The following ADGRL2 variants were observed in gnomAD, a reference collection of about 807,000 sequenced individuals.
The protein encoded by ADGRL2 is calcium-independent alpha-latrotoxin receptor 2.
Under a neutral mutation model 157.4 loss-of-function variants are expected in ADGRL2, and 44 were observed. The observed-to-expected ratio is 0.28, with a 90% CI of 0.22 to 0.36. The LOEUF is 0.36. Among genes scored for constraint, ADGRL2 ranks in the 10% least tolerant of loss-of-function variants. ADGRL2 has a pLI of 1.00. For missense variants in ADGRL2, 1,510 were observed against 1,768.9 expected, an observed-to-expected ratio of 0.85 and a Z score of 2.63; for synonymous variants, 585 against 624.7, an observed-to-expected ratio of 0.94 and a Z score of 0.95.
chr1:81,895,181 ATGT>A (rs1452101457), intron 2 of ADGRL2, among the ~76,000 whole-genome samples: 7 of 152,104 alleles, frequency 4.6e-5, no homozygotes, highest in Admixed American at 3.9e-4. Flanking sequence ...TGCAGTTTCA[ATGT>A]TGTTAACCCA....
intron 1 of ADGRL2, among the ~76,000 whole-genome samples, chr1:81,702,516 T>G (rs1311038170): frequency 1.3e-5 from 2 of 152,182 alleles, no homozygotes; most frequent in African/African-American, 4.8e-5. Context: ...ATCTTCATGA[T>G]GTACAACACA....
chr1:81,787,092 C>T (rs2087086830), intron 2 of ADGRL2, among the ~76,000 whole-genome samples: 1 of 152,008 alleles, frequency 6.6e-6, no homozygotes. Context: ...TTTTTTCTTG[C>T]CACCACCATG....
rs1341020062 is a variant in ADGRL2 at position 81,754,586 on chromosome 1, TTTC to T, written c.-142-7222_-142-7220del. ...TTCTTTCTTTCCTCCTTTCTCTTTCTTTCTTTTCTTTTCTTTCTCCCTTTCTTT... is the reference window on the plus strand; with the variant it reads ...TTCTTTCTTTCCTCCTTTCTCTTTCTTTTTCTTTTCTTTCTCCCTTTCTTT... On this transcript the variant is annotated intron_variant, in intron 1 of 20. Coordinates refer to the ADGRL2 transcript ENST00000359929. Among the ~76,000 whole-genome samples the T allele has an allele frequency of 9.3e-5, 13 of 139,868 alleles. No homozygotes were observed. The East Asian group carries it at 1.9e-3, about 20-fold the overall frequency. The allele number at this position is 139,868 out of a possible 152,430, so 91.8% of individuals were successfully genotyped here. A position where few individuals can be genotyped will look rare whatever the true frequency, so the allele number is the denominator to read the frequency against.
intron 1 of ADGRL2, among the ~76,000 whole-genome samples, chr1:81,820,826 C>G (rs908979777): frequency 1.3e-5 from 2 of 151,912 alleles, no homozygotes; most frequent in Non-Finnish European, 2.9e-5. Context: ...CCTTGTTTTA[C>G]TTTTATAATC....
chr1:81,969,479 C>T, intron 15 of ADGRL2, 92 bp downstream of exon 15: 1 of 793,468 alleles, frequency 1.3e-6, no homozygotes, highest in Non-Finnish European at 2.0e-6. Flanking sequence ...AATGTTTGAC[C>T]TTGTAACTTG....
chr1:81,937,467 A>G (rs1282070956), intron 4 of ADGRL2, among the ~76,000 whole-genome samples: 1 of 151,926 alleles, frequency 6.6e-6, no homozygotes, highest in Non-Finnish European at 1.5e-5. Flanking sequence ...GTTTATAGGT[A>G]GGCTTCGGCC....
rs538403613 is a variant in ADGRL2, at chr1:81,445,572, G to A, written c.-248+483G>A. On this transcript the variant is annotated intron_variant, in intron 2 of 24. Coordinates refer to the ADGRL2 transcript ENST00000370721. ...GGGCTGAAGGGACTTAGAGAGGACG[G>A]CCTCATATTTCTGTTTCTCTGAATC... 9.2e-5 allele frequency among the ~76,000 whole-genome samples: 14 copies of A among 152,252 alleles called. No homozygotes were observed. The South Asian group carries it at 2.1e-3, about 23-fold the overall frequency.
intron 3 of ADGRL2, among the ~76,000 whole-genome samples, chr1:81,664,843 G>C (rs2082723316): frequency 6.6e-6 from 1 of 151,900 alleles, no homozygotes. Flanking sequence ...TATATATCTG[G>C]GTAGAATTTT....
chr1:81,447,150 A>G lies in ADGRL2; in HGVS notation c.-248+2061A>G, dbSNP rs569912395. Among the ~76,000 whole-genome samples, 50 of 152,196 alleles carry G rather than the reference A, an allele frequency of 3.3e-4. 1 individual carries two copies. Among genetic ancestry groups the G allele is most frequent in the African/African-American group, 1.2e-3 (48 of 41,566 alleles). On this transcript the variant is annotated intron_variant, in intron 2 of 24. Transcript: ENST00000370721. ...GATATTGTGAAGCGCATATATTAAT[A>G]ATAGGTTATTTATTGAAGGAAAAAA...
At chr1:81,652,005 G>A (rs1268691172) in intron 3 of ADGRL2, among the ~76,000 whole-genome samples, 22 of 152,014 alleles carry the variant, frequency 1.4e-4, no homozygotes, top group Admixed American at 1.4e-3. Flanking sequence ...CCACACCACA[G>A]CCCAGCTGAG....
chr1:81,938,908 G>T (rs2095348607), intron 4 of ADGRL2, among the ~76,000 whole-genome samples: 1 of 151,206 alleles, frequency 6.6e-6, no homozygotes, highest in South Asian at 2.1e-4. Context: ...TAAGCCTTTA[G>T]CTTTCACTTT....
At chr1:81,448,726 GTTA>G (rs1187870681) in intron 2 of ADGRL2, among the ~76,000 whole-genome samples, 1 of 151,630 alleles carries the variant, frequency 6.6e-6, no homozygotes, top group Non-Finnish European at 1.5e-5. Context: ...CAATGAAAGG[GTTA>G]TTTTAAATTG....
intron 1 of ADGRL2, among the ~76,000 whole-genome samples, chr1:81,834,485 T>C (rs1289163160): frequency 1.3e-5 from 2 of 152,156 alleles, no homozygotes; most frequent in African/African-American, 4.8e-5. Flanking sequence ...TTTGATTATT[T>C]ATTCGTTCTA....
chr1:81,664,680 A>G (rs1208597444), intron 3 of ADGRL2, among the ~76,000 whole-genome samples: 2 of 152,240 alleles, frequency 1.3e-5, no homozygotes, highest in African/African-American at 4.8e-5. Flanking sequence ...TCTGAGGGCA[A>G]AGATAATTGA....
At chr1:81,703,607 A>G (rs959822293) in intron 1 of ADGRL2, among the ~76,000 whole-genome samples, 1 of 152,212 alleles carries the variant, frequency 6.6e-6, no homozygotes, top group Non-Finnish European at 1.5e-5. Context: ...GAAATGACAC[A>G]GAGATAAAAA....
At chr1:81,631,418 T>C (rs1002223236) in intron 3 of ADGRL2, among the ~76,000 whole-genome samples, 6 of 152,082 alleles carry the variant, frequency 3.9e-5, no homozygotes, top group African/African-American at 1.2e-4. Flanking sequence ...GATTTCACCA[T>C]GTTGGCCAGG....
At chr1:81,565,239 C>T (rs1056609585) in intron 2 of ADGRL2, among the ~76,000 whole-genome samples, 19 of 152,056 alleles carry the variant, frequency 1.2e-4, no homozygotes, top group African/African-American at 3.6e-4. Context: ...AATAAGATGA[C>T]GTATGTGACA....
intron 1 of ADGRL2, among the ~76,000 whole-genome samples, chr1:81,384,478 A>G (rs2076400418): frequency 6.6e-6 from 1 of 152,158 alleles, no homozygotes; most frequent in East Asian, 1.9e-4. Flanking sequence ...GAAGGTAGGA[A>G]AAAATATTTC....
At chr1:81,839,020 A>G (rs1056904967) in intron 2 of ADGRL2, among the ~76,000 whole-genome samples, 2 of 152,068 alleles carry the variant, frequency 1.3e-5, no homozygotes, top group African/African-American at 4.8e-5. Flanking sequence ...AGAAAGTCTT[A>G]CATGACATCA....
Sources: gnomAD v4.1 joint callset for allele counts (sites outside exome capture counted in the v4.1 genomes callset) on GRCh38, gnomAD v4.1.1 for gene constraint, MANE v1.5 for transcripts, NCBI Gene and HGNC (gene_info 2026-07-23, HGNC 2026-07-21) for gene names.